Variants in FHIP2B observed in about 807,000 individuals in gnomAD.
FHIP2B encodes FHF complex subunit HOOK-interacting protein 2B.
FHIP2B carries 72 observed loss-of-function variants against 84.0 expected under a neutral mutation model. The ratio of observed to expected loss-of-function variants is 0.86; its 90% CI spans 0.71 to 1.04. The LOEUF (loss-of-function observed/expected upper bound fraction) is 1.04, where lower values mean the gene tolerates loss of function less well. Ranked by LOEUF, FHIP2B falls within the 50% of genes least tolerant of loss-of-function variation. The probability of loss-of-function intolerance (pLI) is 0.00; values close to 1 mark genes in which losing one functional copy is unlikely to be tolerated. For missense variants in FHIP2B, 972 were observed against 968.9 expected (o/e 1.00, Z -0.04); for synonymous variants, 497 against 418.7 (o/e 1.19, Z -2.28).
intron 10 of FHIP2B, chr8:22,100,149 G>T: frequency 2.1e-6 from 1 of 465,866 alleles, no homozygotes; most frequent in Non-Finnish European, 3.7e-6. Flanking sequence ...ACTCACTGCA[G>T]TCTCCAACTC....
At position 22,101,601 on chromosome 8, in the gene FHIP2B, G is replaced by A. The variant is rs182120432; in HGVS notation, c.1707+71G>A. The A allele has an allele frequency of 2.9e-3, 4,453 of 1,560,078 alleles. 9 individuals carry two copies. Among genetic ancestry groups the A allele is most frequent in the Non-Finnish European group, 3.3e-3 (3,813 of 1,146,234 alleles). On this transcript the variant is annotated intron_variant, in intron 13 of 16. Coordinates refer to ENST00000289921, the MANE Select transcript of FHIP2B (RefSeq NM_022749.7). ...AGCTGGGTCATAAGCTCTGGGTTCC[G>A]CCTCTCTCATCTGCCCAAGGACCCC...
intron 1 of FHIP2B, among the ~76,000 whole-genome samples, chr8:22,093,579 C>A (rs1825607501): frequency 6.6e-6 from 1 of 152,160 alleles, no homozygotes; most frequent in Middle Eastern, 3.4e-3. Flanking sequence ...AGCATGTAAG[C>A]ATGTTATAAG....
Position 22,102,640 on chromosome 8 carries a change from G to T in FHIP2B, c.2093+12G>T. The T allele has an allele frequency of 1.3e-6, 2 of 1,563,732 alleles. No homozygotes were observed. The highest frequency in any genetic ancestry group is 1.2e-5 in the South Asian group (1 of 85,170). On this transcript the variant is annotated intron_variant, in intron 16 of 16. Transcript: ENST00000289921. The stretch of plus-strand genomic sequence containing the variant: ...GCTCCTGGGGAGCAGTGAGTACCAA[G>T]GGTGCCAGGTGAAGCCTTGGGGTGG...
intron 1 of FHIP2B, among the ~76,000 whole-genome samples, chr8:22,091,280 C>G (rs1323701457): frequency 7.5e-6 from 1 of 133,208 alleles, no homozygotes; most frequent in Non-Finnish European, 1.6e-5. Context: ...AAGATGGAGT[C>G]TTCCACTGTC....
chr8:22,101,007 G>A, intron 12 of FHIP2B, 35 bp downstream of exon 12: 1 of 1,592,614 alleles, frequency 6.3e-7, no homozygotes, highest in Non-Finnish European at 8.5e-7. Flanking sequence ...AACCACTTGA[G>A]TTTTATTTTA....
At chr8:22,100,531 C>T (rs1212088744) in intron 10 of FHIP2B, 63 bp from the exon 11 acceptor site, 8 of 1,469,160 alleles carry the variant, frequency 5.4e-6, no homozygotes, top group South Asian at 2.9e-5. Context: ...GTTAGCCATG[C>T]CAAGGCACCC....
chr8:22,091,282 TC>T (rs1208812762), intron 1 of FHIP2B, among the ~76,000 whole-genome samples: 2 of 136,934 alleles, frequency 1.5e-5, no homozygotes, highest in Non-Finnish European at 3.1e-5. Flanking sequence ...GATGGAGTCT[TC>T]CACTGTCACC....
At position 22,103,370 on chromosome 8, in the gene FHIP2B, T is replaced by C. The variant is rs1383744284; in HGVS notation, c.*439T>C. ...GGCCTGGAGCCTTGTCTGTGTCACA[T>C]TAGGTACCATGGGAGCTGCTGAGAC... On this transcript the variant is annotated 3_prime_UTR_variant, in exon 17 of 17. Coordinates refer to ENST00000289921, the MANE Select transcript of FHIP2B (RefSeq NM_022749.7). 1 of 162,160 alleles carries C rather than the reference T, an allele frequency of 6.2e-6. No individual in the cohort carries two copies. The highest frequency in any genetic ancestry group is 1.8e-4 in the East Asian group (1 of 5,474). 10.0% of individuals were successfully genotyped at this position (162,160 alleles called of 1,614,324 possible). A position where few individuals can be genotyped will look rare whatever the true frequency, so the allele number is the denominator to read the frequency against.
Position 22,099,372 on chromosome 8 carries a change from G to A in FHIP2B, c.1151+12G>A, listed in dbSNP as rs1263622538. ...CAGCTCCTGCACGTGTAAGTGTCTA[G>A]TTCCCTCAGGCATGACTGTGGTCTA... On this transcript the variant is annotated intron_variant, in intron 9 of 16. Coordinates refer to ENST00000289921, the MANE Select transcript of FHIP2B (RefSeq NM_022749.7). 1.9e-6 allele frequency: 3 copies of A among 1,612,622 alleles called. No homozygotes were observed. The Admixed American group carries it at 5.0e-5, about 27-fold the overall frequency.
intron 1 of FHIP2B, among the ~76,000 whole-genome samples, chr8:22,090,141 T>C (rs1040413923): frequency 4.9e-5 from 4 of 81,334 alleles, no homozygotes; most frequent in African/African-American, 1.9e-4. Context: ...GGTGGGGGTA[T>C]TCCCGGTAGG....
In FHIP2B at chr8:22,102,314, G is replaced by C; in HGVS notation, c.1991G>C (p.Arg664Thr). ...AGGAGCCTATTCTCCGTGTTGGTGA[G>C]GGTGAGGACGCCTCGGCCCAAGGGA... The part of the protein sequence containing the change: ...GCRSLFSVLV[R>T]VIGDLMQRIQ... The change falls in exon 15 of 17, where the codon AGG (arginine) becomes ACG (threonine). Residue 664 changes from arginine to threonine, a missense_variant and splice_region_variant. Coordinates refer to ENST00000289921, the MANE Select transcript of FHIP2B (RefSeq NM_022749.7). 1 of 1,612,418 alleles carries C rather than the reference G, an allele frequency of 6.2e-7. No individual in the cohort carries two copies. Among genetic ancestry groups the C allele is most frequent in the Non-Finnish European group, 8.5e-7 (1 of 1,179,804 alleles).
rs1825386654 is a variant in FHIP2B, at chr8:22,089,918, T to C, written c.45+620T>C. The C allele has an allele frequency of 3.6e-6, 4 of 1,125,886 alleles. No individual in the cohort carries two copies. In the Admixed American group the frequency reaches 9.7e-5, roughly 27 times the overall value. The allele number at this position is 1,125,886 out of a possible 1,614,324, so 69.7% of individuals were successfully genotyped here. A position where few individuals can be genotyped will look rare whatever the true frequency, so the allele number is the denominator to read the frequency against. On this transcript the variant is annotated intron_variant, in intron 1 of 16. Transcript: ENST00000289921. ...GAAATCGCCTTCTATTGGGTGCAGATGTTTCCAGCGTGGCTGTGACCCCTC... is the reference window on the plus strand; with the variant it reads ...GAAATCGCCTTCTATTGGGTGCAGACGTTTCCAGCGTGGCTGTGACCCCTC...
At chr8:22,090,180 ACT>A (rs1353269303) in intron 1 of FHIP2B, among the ~76,000 whole-genome samples, 1 of 150,130 alleles carries the variant, frequency 6.7e-6, no homozygotes, top group East Asian at 2.0e-4. Context: ...GTTGAAAGTA[ACT>A]CTGCCAAGAA....
At chr8:22,098,027 T>C (rs1236265175) in intron 5 of FHIP2B, 41 bp from the exon 6 acceptor site, 2 of 1,547,658 alleles carry the variant, frequency 1.3e-6, no homozygotes, top group Non-Finnish European at 1.7e-6. Flanking sequence ...CCCTGGGAAG[T>C]GGTCCCCACC....
Position 22,100,990 on chromosome 8 carries a change from C to T in FHIP2B, c.1616+18C>T. On this transcript the variant is annotated intron_variant, in intron 12 of 16. Coordinates refer to ENST00000289921, the MANE Select transcript of FHIP2B (RefSeq NM_022749.7). ...GTCAACAGGTGGGGAGCAAGTTAGGCAGTCTGAACCACTTGAGTTTTATTT... is the reference window on the plus strand; with the variant it reads ...GTCAACAGGTGGGGAGCAAGTTAGGTAGTCTGAACCACTTGAGTTTTATTT... 1 of 1,610,574 alleles carries T rather than the reference C, an allele frequency of 6.2e-7. No homozygotes were observed. The highest frequency in any genetic ancestry group is 8.5e-7 in the Non-Finnish European group (1 of 1,178,476).
chr8:22,096,374 G>A lies in FHIP2B; in HGVS notation c.162G>A (p.Trp54Ter). The A allele has an allele frequency of 1.9e-6, 3 of 1,559,824 alleles. No individual in the cohort carries two copies. The highest frequency in any genetic ancestry group is 1.7e-4 in the Middle Eastern group (1 of 5,990). ...STPAKKTDIP[W>*]RLKQMLDILV... Reference sequence around the variant, plus strand: ...CCGCCAAGAAGACAGACATTCCCTGGCGGCTGAAGCAGATGCTGGATATCC... The same window carrying A: ...CCGCCAAGAAGACAGACATTCCCTGACGGCTGAAGCAGATGCTGGATATCC... Residue 54 changes from tryptophan (W) to a stop codon, truncating the protein, a stop_gained, in exon 3 of 17, where the codon TGG becomes TGA. Coordinates refer to ENST00000289921, the MANE Select transcript of FHIP2B (RefSeq NM_022749.7). LOFTEE classifies it high-confidence loss of function.
rs754469863 is a variant in FHIP2B at position 22,094,616 on chromosome 8, T to A, written c.124+98T>A. The A allele has an allele frequency of 3.8e-6, 6 of 1,574,646 alleles. No homozygotes were observed. The South Asian group carries it at 6.8e-5, about 18-fold the overall frequency. On this transcript the variant is annotated intron_variant, in intron 2 of 16. Transcript: ENST00000289921. Reference sequence around the variant, plus strand: ...TTCAGGTGTCCTGGGAAAGGTAACCTGCCCAGTCGTTCAGAATTGGAGCCG... The same window carrying A: ...TTCAGGTGTCCTGGGAAAGGTAACCAGCCCAGTCGTTCAGAATTGGAGCCG...
rs1436022011 is a variant in FHIP2B at position 22,094,485 on chromosome 8, A to C, written c.91A>C (p.Lys31Gln). The C allele has an allele frequency of 6.2e-7, 1 of 1,611,494 alleles. No individual in the cohort carries two copies. The highest frequency in any genetic ancestry group is 8.5e-7 in the Non-Finnish European group (1 of 1,179,002). ...GCTGCAGGCCTTCGTGGAGCACTGG[A>C]AGGGCATCACGCACTACTACATCGA... Reference protein sequence around the residue: ...DLLQAFVEHWKGITHYYIEST... With the variant: ...DLLQAFVEHWQGITHYYIEST... Residue 31 changes from lysine to glutamine, a missense_variant, in exon 2 of 17, where the codon AAG becomes CAG. Lys to Gln is a moderately conservative substitution (Grantham distance 53). Coordinates refer to ENST00000289921, the MANE Select transcript of FHIP2B (RefSeq NM_022749.7).
At chr8:22,096,827 A>C in intron 3 of FHIP2B, 1 of 234,926 alleles carries the variant, frequency 4.3e-6, no homozygotes. Context: ...TCACTCCACA[A>C]AGATGGGCCT....
Sources: allele counts gnomAD v4.1 joint callset (sites outside exome capture counted in the v4.1 genomes callset), GRCh38; gene constraint gnomAD v4.1.1; transcripts MANE v1.5; gene names NCBI Gene and HGNC (gene_info 2026-07-23, HGNC 2026-07-21).